Variants in ANKRD31 observed in about 807,000 individuals in gnomAD.
The protein encoded by ANKRD31 is ankyrin repeat domain 31, also known as ankyrin repeat domain-containing protein 31.
Under a neutral mutation model 186.0 loss-of-function variants are expected in ANKRD31, and 147 were observed. The ratio of observed to expected loss-of-function variants is 0.79; its 90% CI spans 0.69 to 0.91. ANKRD31 has a LOEUF of 0.91. ANKRD31 is among the 40% of genes least tolerant of loss of function. The pLI is 0.00. For synonymous variants in ANKRD31, 673 were observed against 736.4 expected, an observed-to-expected ratio of 0.91 and a Z score of 1.39; for missense variants, 1,986 against 2,148.8, an observed-to-expected ratio of 0.92 and a Z score of 1.50.
chr5:75,220,782 C>A (rs938620851), intron 3 of ANKRD31, among the ~76,000 whole-genome samples: 2 of 152,054 alleles, frequency 1.3e-5, no homozygotes, highest in African/African-American at 4.8e-5. Context: ...CCAGCTCACA[C>A]CAGTCAAAAT....
At chr5:75,074,540 A>C (rs1281710338) in intron 25 of ANKRD31, among the ~76,000 whole-genome samples, 1 of 152,224 alleles carries the variant, frequency 6.6e-6, no homozygotes, top group Non-Finnish European at 1.5e-5. Flanking sequence ...CAAAACAAAA[A>C]ACACACACAT....
chr5:75,229,875 AAAAAAAAAAAAAC>A (rs548227480), intron 2 of ANKRD31, among the ~76,000 whole-genome samples: 56 of 107,746 alleles, frequency 5.2e-4, no homozygotes, highest in African/African-American at 2.4e-3. Context: ...AAAAAAAAAA[AAAAAAAAAAAAAC>A]AAAAAAAACA....
intron 17 of ANKRD31, among the ~76,000 whole-genome samples, chr5:75,127,676 G>A (rs531066605): frequency 2.0e-5 from 3 of 152,196 alleles, no homozygotes; most frequent in Admixed American, 6.5e-5. Context: ...AAAAATTCCT[G>A]TTAAGACTAT....
chr5:75,152,673 C>A (rs1751919991), intron 12 of ANKRD31, among the ~76,000 whole-genome samples: 1 of 151,884 alleles, frequency 6.6e-6, no homozygotes, highest in African/African-American at 2.4e-5. Context: ...CTACTACGTA[C>A]AAGTCACTTT....
chr5:75,072,477 T>TG (rs1449558143), intron 25 of ANKRD31, among the ~76,000 whole-genome samples: 2 of 152,184 alleles, frequency 1.3e-5, no homozygotes, highest in Non-Finnish European at 2.9e-5. Flanking sequence ...CAAAGGAAGA[T>TG]GGAGTAGAAA....
At chr5:75,111,710 C>A (rs1747803760) in intron 20 of ANKRD31, among the ~76,000 whole-genome samples, 1 of 152,144 alleles carries the variant, frequency 6.6e-6, no homozygotes, top group African/African-American at 2.4e-5. Context: ...ATATGTGAGT[C>A]ATCAAGGGCT....
chr5:75,204,591 T>A (rs926325721), intron 5 of ANKRD31, among the ~76,000 whole-genome samples: 33 of 152,216 alleles, frequency 2.2e-4, no homozygotes, highest in Non-Finnish European at 4.0e-4. Context: ...CAGGGCCATC[T>A]AAGGCTTTTA....
chr5:75,178,629 T>C (rs1390768383), intron 10 of ANKRD31, among the ~76,000 whole-genome samples: 1 of 152,114 alleles, frequency 6.6e-6, no homozygotes, highest in Non-Finnish European at 1.5e-5. Context: ...TGCTCCTGAA[T>C]GACTACTGGG....
intron 3 of ANKRD31, among the ~76,000 whole-genome samples, chr5:75,214,630 T>C (rs1756857475): frequency 6.6e-6 from 1 of 152,212 alleles, no homozygotes; most frequent in Non-Finnish European, 1.5e-5. Context: ...AGCCTGTGGT[T>C]ATTTATTTCC....
chr5:75,196,248 G>T, intron 6 of ANKRD31, 48 bp from the exon 7 acceptor site: 1 of 1,291,024 alleles, frequency 7.7e-7, no homozygotes, highest in Non-Finnish European at 1.0e-6. Context: ...ATACAATAAA[G>T]TATTTAAAAT....
At chr5:75,137,714 T>C in intron 17 of ANKRD31, 142 bp downstream of exon 17, 1 of 682,886 alleles carries the variant, frequency 1.5e-6, no homozygotes, top group South Asian at 4.0e-5. Context: ...TATTATTGTA[T>C]CTTCATTTGT....
chr5:75,091,225 A>G, intron 23 of ANKRD31, 36 bp downstream of exon 23: 1 of 1,497,158 alleles, frequency 6.7e-7, no homozygotes, highest in African/African-American at 1.4e-5. Context: ...TTTCCATTTG[A>G]ATATGAAGTT....
chr5:75,112,664 T>A, intron 19 of ANKRD31, 64 bp from the exon 20 acceptor site: 1 of 1,007,214 alleles, frequency 9.9e-7, no homozygotes, highest in Non-Finnish European at 1.4e-6. Context: ...GATATGCCAT[T>A]GACAAACACA....
rs1751416674 is a variant in ANKRD31, at chr5:75,146,149, G to A, written c.3262C>T (p.Gln1088Ter). 6.5e-7 allele frequency: 1 copy of A among 1,535,810 alleles called. No individual in the cohort carries two copies. The highest frequency in any genetic ancestry group is 2.0e-5 in the Admixed American group (1 of 50,832). The change falls in exon 14 of 26, where the codon CAA becomes TAA. Residue 1088 changes from glutamine (Q) to a stop codon, truncating the protein, a stop_gained. Coordinates refer to ENST00000506364, the MANE Select transcript of ANKRD31 (RefSeq NM_001372053.1). LOFTEE classifies it high-confidence loss of function. ...NEPLSIVAHSQVIETTKVEKR... is the reference protein window; with the variant it reads ...NEPLSIVAHS ...TCAACTTTAGTTGTTTCTATTACTT[G>A]AGAATGAGCAACTATGGATAAAGGC...
Position 75,104,802 on chromosome 5 carries a change from T to C in ANKRD31, c.4757A>G (p.Asp1586Gly). Residue 1586 changes from aspartate (D) to glycine (G), a missense_variant, in exon 22 of 26, where the codon GAT (aspartate) becomes GGT (glycine). Coordinates refer to ENST00000506364, the MANE Select transcript of ANKRD31 (RefSeq NM_001372053.1). ...SKQNGSDCTL[D>G]GFPKSRHSDG... The stretch of plus-strand genomic sequence containing the variant: ...TGAATGTCTGGATTTTGGAAAACCA[T>C]CCAAGGTACAATCACTGCCATTTTG... 5.9e-6 allele frequency: 9 copies of C among 1,537,224 alleles called. No homozygotes were observed. The highest frequency in any genetic ancestry group is 7.0e-6 in the Non-Finnish European group (8 of 1,146,884).
intron 24 of ANKRD31, 89 bp from the exon 25 acceptor site, chr5:75,080,728 G>T: frequency 1.5e-6 from 1 of 680,028 alleles, no homozygotes; most frequent in Admixed American, 3.6e-5. Flanking sequence ...CTACCGATGG[G>T]AAATACAAAT....
rs572979648 is a variant in ANKRD31 at position 75,224,959 on chromosome 5, A to T, written c.179-2601T>A. Among the ~76,000 whole-genome samples, 5 of 152,326 alleles carry T rather than the reference A, an allele frequency of 3.3e-5. No individual in the cohort carries two copies. In the East Asian group the frequency reaches 9.6e-4, roughly 29 times the overall value. The stretch of plus-strand genomic sequence containing the variant: ...ATAATAAAATGAAAATAATTTGGAG[A>T]CAGATGCAGGCAATTCAGACACAAA... On this transcript the variant is annotated intron_variant, in intron 2 of 25. Coordinates refer to ENST00000506364, the MANE Select transcript of ANKRD31 (RefSeq NM_001372053.1).
rs1419211805 is a variant in ANKRD31, at chr5:75,135,695, G to A, written c.3876+2161C>T. Among the ~76,000 whole-genome samples, 3 of 152,166 alleles carry A rather than the reference G, an allele frequency of 2.0e-5. No individual in the cohort carries two copies. In the East Asian group the frequency reaches 5.8e-4, roughly 29 times the overall value. On this transcript the variant is annotated intron_variant, in intron 17 of 25. Coordinates refer to ENST00000506364, the MANE Select transcript of ANKRD31 (RefSeq NM_001372053.1). ...AAAGTTCATATGGAACCAAAAAAGA[G>A]CCCGCATAGCCAAGACAATCCTAAG...
chr5:75,181,143 A>C (rs1754258591), intron 10 of ANKRD31, among the ~76,000 whole-genome samples: 1 of 152,220 alleles, frequency 6.6e-6, no homozygotes, highest in Non-Finnish European at 1.5e-5. Context: ...AATGCTCATC[A>C]TCACTGGCCA....
Sources: gnomAD v4.1 joint callset for allele counts (sites outside exome capture counted in the v4.1 genomes callset) on GRCh38, gnomAD v4.1.1 for gene constraint, MANE v1.5 for transcripts, NCBI Gene and HGNC (gene_info 2026-07-23, HGNC 2026-07-21) for gene names.